Variants in ALG12 observed in about 807,000 individuals in gnomAD.
The protein encoded by ALG12 is dol-P-Man:Man(7)GlcNAc(2)-PP-Dol alpha-1,6-mannosyltransferase.
Under a neutral mutation model 46.0 loss-of-function variants are expected in ALG12, and 36 were observed. The ratio of observed to expected loss-of-function variants is 0.78; its 90% CI spans 0.60 to 1.03. The LOEUF (loss-of-function observed/expected upper bound fraction) is 1.03. Ranked by LOEUF, ALG12 falls within the 50% of genes least tolerant of loss-of-function variation. The probability of loss-of-function intolerance (pLI) is 0.00; values close to 1 mark genes in which losing one functional copy is unlikely to be tolerated. For synonymous variants in ALG12, 326 were observed against 291.6 expected (o/e 1.12, Z -1.20); for missense variants, 599 against 633.5 (o/e 0.95, Z 0.58).
At chr22:49,881,956 A>G in the ALG12 span, among the ~76,000 whole-genome samples, 1 of 152,170 alleles carries the variant, frequency 6.6e-6, no homozygotes, top group Non-Finnish European at 1.5e-5. Context: ...ACCTTGGAAC[A>G]CTTTTTAGGG....
the ALG12 span, among the ~76,000 whole-genome samples, chr22:49,861,223 G>A: frequency 6.6e-6 from 1 of 151,114 alleles, no homozygotes; most frequent in Non-Finnish European, 1.5e-5. Context: ...TTATGAGATG[G>A]AGTCTCGCTC....
At chr22:49,866,535 C>G in the ALG12 span, among the ~76,000 whole-genome samples, 4 of 152,100 alleles carry the variant, frequency 2.6e-5, no homozygotes, top group African/African-American at 9.7e-5. Flanking sequence ...GACCTATAAT[C>G]TCACATCAGA....
the ALG12 span, chr22:49,886,305 G>C: frequency 6.4e-7 from 1 of 1,553,476 alleles, no homozygotes; most frequent in East Asian, 2.3e-5. This position sits in a 1 kb window ranked among gnomAD's most constrained non-coding sequence, Gnocchi z 7.7. Context: ...CGCTGCCTCA[G>C]CATCACCTCA....
At chr22:49,899,081 G>A (rs2060494074), downstream of ALG12, among the ~76,000 whole-genome samples, 1 of 152,124 alleles carries the variant, frequency 6.6e-6, no homozygotes, top group Non-Finnish European at 1.5e-5. Flanking sequence ...CTTGAGCCCA[G>A]GAGTTTGAGA....
At chr22:49,897,955 G>A (rs73443931), downstream of ALG12, among the ~76,000 whole-genome samples, 15,379 of 151,816 alleles carry the variant, frequency 0.1, 1,005 homozygotes, top group South Asian at 0.18. Flanking sequence ...CACCACGTCC[G>A]GCCTCAATCA....
intron 1 of ALG12, among the ~76,000 whole-genome samples, chr22:49,917,417 C>A (rs1291101335): frequency 6.6e-6 from 1 of 152,140 alleles, no homozygotes; most frequent in African/African-American, 2.4e-5. Context: ...ACGCCTGTAA[C>A]CCTAGCACTT....
At chr22:49,883,733 T>C in the ALG12 span, 1 of 1,611,116 alleles carries the variant, frequency 6.2e-7, no homozygotes, top group South Asian at 1.1e-5. Flanking sequence ...AAGTTTAAAA[T>C]AGAAGAGGAA....
chr22:49,901,712 T>G lies in ALG12; in HGVS notation c.*2126A>C, dbSNP rs1025905731. The G allele has an allele frequency of 1.3e-5, 2 of 151,042 alleles. No homozygotes were observed. The highest frequency in any genetic ancestry group is 4.9e-5 in the African/African-American group (2 of 40,970). The allele number at this position is 151,042 out of a possible 1,614,324, so 9.4% of individuals were successfully genotyped here. A position where few individuals can be genotyped will look rare whatever the true frequency, so the allele number is the denominator to read the frequency against. On this transcript the variant is annotated 3_prime_UTR_variant, in exon 10 of 10. Coordinates refer to ENST00000330817, the MANE Select transcript of ALG12 (RefSeq NM_024105.4). The stretch of plus-strand genomic sequence containing the variant: ...TCTGTGCATTGTGTGTGGATGCATG[T>G]GTGGTGTGTATGCATGGTGTGCACG...
chr22:49,883,749 T>C, the ALG12 span: 1 of 1,612,504 alleles, frequency 6.2e-7, no homozygotes, highest in Non-Finnish European at 8.5e-7. Context: ...AGGAAGATGA[T>C]GATGGAATTC....
rs568274026 is a variant in ALG12 at position 49,905,503 on chromosome 22, C to A, written c.993-997G>T. ...CAGGAATGGATTAGCGCCATCCCCTCCATGCTGTTCTCCTCATACCGAGTG... is the reference window on the plus strand; with the variant it reads ...CAGGAATGGATTAGCGCCATCCCCTACATGCTGTTCTCCTCATACCGAGTG... On this transcript the variant is annotated intron_variant, in intron 7 of 9. Transcript: ENST00000330817. This position sits in a 1 kb window ranked among gnomAD's most constrained non-coding sequence, Gnocchi z 4.9. Among the ~76,000 whole-genome samples the A allele has an allele frequency of 6.6e-6, 1 of 152,204 alleles. No homozygotes were observed. Among genetic ancestry groups the A allele is most frequent in the African/African-American group, 2.4e-5 (1 of 41,460 alleles).
chr22:49,900,437 C>G lies in ALG12; in HGVS notation c.*3401G>C, dbSNP rs2060499221. The G allele has an allele frequency of 6.6e-6, 1 of 152,194 alleles. No homozygotes were observed. Among genetic ancestry groups the G allele is most frequent in the African/African-American group, 2.4e-5 (1 of 41,410 alleles). The allele number at this position is 152,194 out of a possible 1,614,324, so 9.4% of individuals were successfully genotyped here. On this transcript the variant is annotated 3_prime_UTR_variant, in exon 10 of 10. Coordinates refer to ENST00000330817, the MANE Select transcript of ALG12 (RefSeq NM_024105.4). ...GTGGGGTATGGTGGGAGGCACAAGA[C>G]TGAAAGCAAACGGGAAGGATGAACC... is the stretch of plus-strand genomic sequence containing the variant.
intron 3 of ALG12, among the ~76,000 whole-genome samples, chr22:49,912,123 G>A: frequency 9.3e-6 from 1 of 107,810 alleles, no homozygotes; most frequent in South Asian, 3.4e-4. Flanking sequence ...GGATCAGCCT[G>A]GCCCCAGGAT....
the ALG12 span, among the ~76,000 whole-genome samples, chr22:49,870,306 T>C: frequency 1.3e-4 from 20 of 152,324 alleles, no homozygotes; most frequent in Admixed American, 1.3e-3. Flanking sequence ...CATGGGGTTT[T>C]TTTGTAGAAT....
chr22:49,867,586 C>T, the ALG12 span, among the ~76,000 whole-genome samples: 2 of 152,210 alleles, frequency 1.3e-5, no homozygotes, highest in East Asian at 3.8e-4. Context: ...CCCTCCTCTG[C>T]TTTGCAGATG....
chr22:49,865,161 C>G, the ALG12 span, among the ~76,000 whole-genome samples: 1 of 152,186 alleles, frequency 6.6e-6, no homozygotes, highest in East Asian at 1.9e-4. Context: ...CCTGTCACTC[C>G]GAGGCTGCAA....
intron 1 of ALG12, among the ~76,000 whole-genome samples, chr22:49,915,121 T>G (rs970246063): frequency 1.3e-5 from 2 of 152,230 alleles, no homozygotes; most frequent in African/African-American, 4.8e-5. Flanking sequence ...AGAACCCTAT[T>G]TGATATGGTG....
At chr22:49,913,302 C>T (rs1403052502) in intron 3 of ALG12, 83 bp downstream of exon 3, 1 of 1,590,864 alleles carries the variant, frequency 6.3e-7, no homozygotes, top group Admixed American at 1.7e-5. Context: ...CGTTCCTGGG[C>T]AGGAGGGACC....
At chr22:49,887,311 C>A in the ALG12 span, 1 of 959,074 alleles carries the variant, frequency 1.0e-6, no homozygotes, top group Non-Finnish European at 1.5e-6. Flanking sequence ...CTCTCCAGCT[C>A]ACCACAGTGT....
the ALG12 span, among the ~76,000 whole-genome samples, chr22:49,880,837 A>G: frequency 6.6e-6 from 1 of 152,210 alleles, no homozygotes. Flanking sequence ...ACTGATGTCA[A>G]CATTGAGTTT....
Sources: allele counts gnomAD v4.1 joint callset (sites outside exome capture counted in the v4.1 genomes callset), GRCh38; gene constraint gnomAD v4.1.1; non-coding constraint Gnocchi (gnomAD v3.1); transcripts MANE v1.5; gene names NCBI Gene and HGNC (gene_info 2026-07-23, HGNC 2026-07-21).